Variants in ZFHX3 observed in about 807,000 individuals in gnomAD.
ZFHX3 encodes the protein zinc finger homeobox protein 3.
A neutral mutation model predicts 279.1 loss-of-function variants in ZFHX3; 42 were observed. The ratio of observed to expected loss-of-function variants is 0.15; its 90% CI spans 0.12 to 0.19. The LOEUF is 0.19. ZFHX3 is among the 10% of genes least tolerant of loss of function. The pLI, the probability that ZFHX3 is intolerant of heterozygous loss-of-function variation, is 1.00. For synonymous variants in ZFHX3, 2,293 were observed against 1,957.8 expected (o/e 1.17, Z -4.52); for missense variants, 4,981 against 4,754.0 (o/e 1.05, Z -1.40).
chr16:72,996,471 C>G (rs1406203446), intron 1 of ZFHX3, among the ~76,000 whole-genome samples: 1 of 152,178 alleles, frequency 6.6e-6, no homozygotes, highest in Non-Finnish European at 1.5e-5. Flanking sequence ...AGAAGCTGGT[C>G]CTCAATAAAG....
intron 4 of ZFHX3, among the ~76,000 whole-genome samples, chr16:73,313,777 G>A (rs1360339796): frequency 6.6e-6 from 1 of 152,214 alleles, no homozygotes; most frequent in South Asian, 2.1e-4. Flanking sequence ...TTATGTGTCA[G>A]CTTGGAGAGT....
At chr16:73,887,765 T>C (rs1597159243) in intron 1 of ZFHX3, among the ~76,000 whole-genome samples, 2 of 152,166 alleles carry the variant, frequency 1.3e-5, no homozygotes, top group South Asian at 2.1e-4. Context: ...ATAAAGTATG[T>C]TGGGTAACTT....
intron 3 of ZFHX3, among the ~76,000 whole-genome samples, chr16:73,335,910 C>T (rs1597289770): frequency 6.6e-6 from 1 of 152,226 alleles, no homozygotes. Context: ...CCTTCATGCC[C>T]TCACCGTGTC....
At chr16:72,870,413 A>G (rs2038127951) in intron 4 of ZFHX3, among the ~76,000 whole-genome samples, 2 of 150,110 alleles carry the variant, frequency 1.3e-5, no homozygotes, top group South Asian at 4.2e-4. Flanking sequence ...AAAAAAAGAA[A>G]AAAGAAAAAA....
intron 3 of ZFHX3, among the ~76,000 whole-genome samples, chr16:73,353,540 T>C (rs1008450740): frequency 6.6e-6 from 1 of 152,240 alleles, no homozygotes; most frequent in Non-Finnish European, 1.5e-5. Context: ...AACATCACTG[T>C]CATTTCATCT....
chr16:73,244,367 C>T (rs538706436), intron 5 of ZFHX3, among the ~76,000 whole-genome samples: 2 of 152,272 alleles, frequency 1.3e-5, no homozygotes, highest in South Asian at 2.1e-4. Context: ...CCTCCATCCT[C>T]CAAGCCACAT....
upstream of ZFHX3, among the ~76,000 whole-genome samples, chr16:73,048,748 T>C (rs930708855): frequency 4.6e-5 from 7 of 152,366 alleles, no homozygotes; most frequent in African/African-American, 1.7e-4. Flanking sequence ...TCCTATTAAC[T>C]GCTTTACAGA....
At chr16:73,113,451 A>T (rs1056397443) in intron 7 of ZFHX3, among the ~76,000 whole-genome samples, 1 of 152,128 alleles carries the variant, frequency 6.6e-6, no homozygotes, top group Non-Finnish European at 1.5e-5. Flanking sequence ...GGCCACAATA[A>T]ATACGGCCCA....
At chr16:73,838,244 G>A (rs1961197025) in intron 1 of ZFHX3, among the ~76,000 whole-genome samples, 3 of 152,194 alleles carry the variant, frequency 2.0e-5, no homozygotes, top group African/African-American at 4.8e-5. Context: ...TTGGGATGCT[G>A]TGGCCAGAGC....
At chr16:73,111,597 G>A (rs1966374143) in intron 7 of ZFHX3, among the ~76,000 whole-genome samples, 1 of 149,098 alleles carries the variant, frequency 6.7e-6, no homozygotes, top group Non-Finnish European at 1.5e-5. Flanking sequence ...AGGGAGGGAG[G>A]GAAGAAAGAA....
Position 72,958,180 on chromosome 16 carries a change from C to T in ZFHX3, c.1966G>A (p.Gly656Ser), listed in dbSNP as rs865904552. Residue 656 changes from glycine (G) to serine (S), a missense_variant, in exon 2 of 10, where the codon GGC (glycine) becomes AGC (serine). Gly to Ser is a moderately conservative substitution (Grantham distance 56, BLOSUM62 0). Around this residue, in one of 7 missense-constraint regions of ZFHX3, gnomAD observed 1,068 missense variants for 935.2 expected, o/e 1.14. Transcript: ENST00000268489. ...DTVLGSSRSL[G>S]GHMTMMHSRN... is the part of the protein sequence containing the mutation. The stretch of plus-strand genomic sequence containing the variant: ...GAATGCATCATGGTCATGTGGCCGC[C>T]CAGCGAGCGGGAGGAGCCCAGGACC... 1 of 1,613,510 alleles carries T rather than the reference C, an allele frequency of 6.2e-7. No individual in the cohort carries two copies. Among genetic ancestry groups the T allele is most frequent in the East Asian group, 2.2e-5 (1 of 44,838 alleles).
At chr16:73,645,719 T>C (rs1381941516) in intron 2 of ZFHX3, among the ~76,000 whole-genome samples, 3 of 152,342 alleles carry the variant, frequency 2.0e-5, no homozygotes, top group African/African-American at 7.2e-5. Context: ...AATTTCTTAA[T>C]GTAGAAAAAT....
At chr16:73,292,788 C>T (rs1437810226) in intron 4 of ZFHX3, among the ~76,000 whole-genome samples, 2 of 152,154 alleles carry the variant, frequency 1.3e-5, no homozygotes, top group Admixed American at 1.3e-4. Context: ...CCTCTTGAGC[C>T]CAGGTAGGCT....
At chr16:73,418,530 A>C (rs989535284) in intron 3 of ZFHX3, among the ~76,000 whole-genome samples, 3 of 152,208 alleles carry the variant, frequency 2.0e-5, no homozygotes, top group South Asian at 2.1e-4. Flanking sequence ...TGTCCCCTTC[A>C]TTTATAGATG....
chr16:72,860,238 T>C (rs1268815686), intron 4 of ZFHX3, among the ~76,000 whole-genome samples: 1 of 152,078 alleles, frequency 6.6e-6, no homozygotes, highest in Non-Finnish European at 1.5e-5. Context: ...CAGAGCTGGT[T>C]CTGGGATGGT....
At chr16:73,577,258 G>T (rs1195362521) in intron 2 of ZFHX3, among the ~76,000 whole-genome samples, 1 of 152,096 alleles carries the variant, frequency 6.6e-6, no homozygotes, top group Non-Finnish European at 1.5e-5. Flanking sequence ...CAATTGAAAG[G>T]AAGTTCAGGT....
chr16:73,527,626 A>G (rs561074574), intron 2 of ZFHX3, among the ~76,000 whole-genome samples: 2 of 152,304 alleles, frequency 1.3e-5, no homozygotes, highest in South Asian at 4.1e-4. Flanking sequence ...AGGCTAAGCT[A>G]CTAAAAGGCT....
intron 5 of ZFHX3, among the ~76,000 whole-genome samples, chr16:73,197,574 G>C (rs1354237293): frequency 6.6e-6 from 1 of 152,158 alleles, no homozygotes; most frequent in Non-Finnish European, 1.5e-5. Context: ...ACTTCCCCAT[G>C]ACTTATCTGG....
intron 1 of ZFHX3, chr16:73,809,634 G>T (rs1662520335): frequency 1.3e-5 from 2 of 152,090 alleles, no homozygotes; most frequent in South Asian, 4.2e-4. Flanking sequence ...AGGGTGGAAG[G>T]GTCTCAATAC....
Sources: gnomAD v4.1 joint callset for allele counts (sites outside exome capture counted in the v4.1 genomes callset) on GRCh38, gnomAD v4.1.1 for gene constraint, gnomAD v4.1.1 regional missense constraint, MANE v1.5 for transcripts, NCBI Gene and HGNC (gene_info 2026-07-23, HGNC 2026-07-21) for gene names.